RBFOX1: variants seen among roughly 807,000 people sequenced by gnomAD.
The protein encoded by RBFOX1 is RNA binding protein fox-1 homolog 1.
A neutral mutation model predicts 57.7 loss-of-function variants in RBFOX1; 8 were observed. That is an observed-to-expected ratio of 0.14 (90% CI 0.08 to 0.25). The LOEUF (loss-of-function observed/expected upper bound fraction) is 0.25, where lower values mean the gene tolerates loss of function less well. Ranked by LOEUF, RBFOX1 falls within the 10% of genes least tolerant of loss-of-function variation. The pLI, the probability that RBFOX1 is intolerant of heterozygous loss-of-function variation, is 1.00. For synonymous variants in RBFOX1, 326 were observed against 222.4 expected, an observed-to-expected ratio of 1.47 and a Z score of -4.15; for missense variants, 611 against 548.5, an observed-to-expected ratio of 1.11 and a Z score of -1.14.
intron 3 of RBFOX1, among the ~76,000 whole-genome samples, chr16:5,669,620 A>G (rs1024302567): frequency 2.6e-5 from 4 of 152,058 alleles, no homozygotes; most frequent in Non-Finnish European, 5.9e-5. Context: ...GGGTTTCACC[A>G]TGTTGGCCAG....
At chr16:6,147,535 G>T (rs1365593904) in intron 1 of RBFOX1, among the ~76,000 whole-genome samples, 1 of 152,068 alleles carries the variant, frequency 6.6e-6, no homozygotes, top group Non-Finnish European at 1.5e-5. Flanking sequence ...TGAATTTAAA[G>T]GTCCCCAATA....
chr16:5,998,630 C>G (rs1207197232), intron 4 of RBFOX1, among the ~76,000 whole-genome samples: 1 of 152,190 alleles, frequency 6.6e-6, no homozygotes, highest in African/African-American at 2.4e-5. Context: ...AGAGCCACCT[C>G]CCTCACCCTT....
chr16:5,274,121 A>G (rs748371753), intron 1 of RBFOX1, among the ~76,000 whole-genome samples: 3 of 152,186 alleles, frequency 2.0e-5, no homozygotes, highest in Non-Finnish European at 2.9e-5. Flanking sequence ...ATGCAGACAG[A>G]AGCTCCATAT....
intron 3 of RBFOX1, among the ~76,000 whole-genome samples, chr16:6,949,400 C>G (rs957666189): frequency 3.3e-5 from 5 of 152,158 alleles, no homozygotes; most frequent in Non-Finnish European, 7.3e-5. Flanking sequence ...GGTGTATTAG[C>G]TGGCTAGGGG....
chr16:7,491,084 C>G (rs543782708), intron 4 of RBFOX1, among the ~76,000 whole-genome samples: 1 of 152,122 alleles, frequency 6.6e-6, no homozygotes, highest in Non-Finnish European at 1.5e-5. Context: ...CTTACCGTAC[C>G]TGCACCCACA....
chr16:6,380,781 G>A (rs942014071), intron 2 of RBFOX1, among the ~76,000 whole-genome samples: 1 of 152,084 alleles, frequency 6.6e-6, no homozygotes, highest in African/African-American at 2.4e-5. Context: ...GATAAATATT[G>A]CCAAATTGTC....
chr16:6,484,360 G>C (rs1057148340), intron 2 of RBFOX1, among the ~76,000 whole-genome samples: 11 of 152,132 alleles, frequency 7.2e-5, no homozygotes, highest in Non-Finnish European at 1.5e-4. Context: ...CGTTGCGCTG[G>C]TGTACTCTTC....
At chr16:7,205,240 G>C (rs2089677482) in intron 4 of RBFOX1, among the ~76,000 whole-genome samples, 1 of 152,028 alleles carries the variant, frequency 6.6e-6, no homozygotes, top group Admixed American at 6.6e-5. Context: ...GAAATGGGCG[G>C]GGCGTGGCGG....
Position 7,429,548 on chromosome 16 carries a change from G to A in RBFOX1, c.28-88599G>A, listed in dbSNP as rs147886499. Among the ~76,000 whole-genome samples, 221 of 152,272 alleles carry A rather than the reference G, an allele frequency of 1.5e-3. 4 individuals carry two copies. The highest frequency in any genetic ancestry group is 0.013 in the Admixed American group (203 of 15,284). ...ACAGTAAGCTTCAAGAGAACAGGAA[G>A]CCACCTATTTTGTCCTCTCATACAC... is the stretch of plus-strand genomic sequence containing the variant. On this transcript the variant is annotated intron_variant, in intron 4 of 15. Transcript: ENST00000550418.
chr16:7,147,763 A>G (rs1163660405), intron 4 of RBFOX1, among the ~76,000 whole-genome samples: 1 of 152,156 alleles, frequency 6.6e-6, no homozygotes, highest in Non-Finnish European at 1.5e-5. Context: ...TATGGTGAAT[A>G]GAGCTGCAGT....
rs1341647867 is a variant in RBFOX1, at chr16:6,812,232, C to T, written c.-16+157582C>T. On this transcript the variant is annotated intron_variant, in intron 3 of 15. Transcript: ENST00000550418. ...ATATCTGTGAATATTAAGCTCCTCA[C>T]ATTTCCTGTTTTGTTAAGAAATTTG... Among the ~76,000 whole-genome samples, 3 of 152,194 alleles carry T rather than the reference C, an allele frequency of 2.0e-5. No homozygotes were observed. The East Asian group carries it at 5.8e-4, about 29-fold the overall frequency.
At chr16:6,498,508 C>T (rs1219076475) in intron 2 of RBFOX1, among the ~76,000 whole-genome samples, 1 of 152,140 alleles carries the variant, frequency 6.6e-6, no homozygotes. Flanking sequence ...GTTCAGCAAT[C>T]AGGCCCTTTT....
intron 2 of RBFOX1, among the ~76,000 whole-genome samples, chr16:5,596,465 C>T (rs1221985647): frequency 1.3e-5 from 2 of 152,184 alleles, no homozygotes; most frequent in African/African-American, 4.8e-5. Flanking sequence ...GTTTCTGTTA[C>T]TGAGAAAGAC....
chr16:5,431,915 G>A (rs2067749631), intron 1 of RBFOX1, among the ~76,000 whole-genome samples: 1 of 152,100 alleles, frequency 6.6e-6, no homozygotes, highest in Non-Finnish European at 1.5e-5. Flanking sequence ...CACAGTTCCA[G>A]TAGGATTCGA....
chr16:5,950,682 C>T (rs2059501800), intron 4 of RBFOX1, among the ~76,000 whole-genome samples: 1 of 152,244 alleles, frequency 6.6e-6, no homozygotes, highest in Non-Finnish European at 1.5e-5. Context: ...CTTCTTCCAT[C>T]TATGTCTCTT....
At chr16:6,508,614 C>T (rs982182644) in intron 2 of RBFOX1, among the ~76,000 whole-genome samples, 2 of 152,106 alleles carry the variant, frequency 1.3e-5, no homozygotes, top group Non-Finnish European at 2.9e-5. Context: ...TTTCCTATTG[C>T]TGTTTCTTCT....
chr16:7,030,411 CCA>C (rs1283629972), intron 3 of RBFOX1, among the ~76,000 whole-genome samples: 1 of 152,160 alleles, frequency 6.6e-6, no homozygotes, highest in African/African-American at 2.4e-5. Context: ...GTTCTGGAGG[CCA>C]CAAGTCTGAA....
At chr16:5,873,850 C>G (rs994956517) in intron 4 of RBFOX1, among the ~76,000 whole-genome samples, 3 of 152,002 alleles carry the variant, frequency 2.0e-5, no homozygotes, top group African/African-American at 7.3e-5. Context: ...AGTATGCAGA[C>G]TGGAGCTTTG....
chr16:6,651,830 T>A (rs921304850), intron 2 of RBFOX1, among the ~76,000 whole-genome samples: 3 of 152,194 alleles, frequency 2.0e-5, no homozygotes, highest in Admixed American at 2.0e-4. Flanking sequence ...CAGATGGCGC[T>A]TATGAATGGA....
Sources: allele counts gnomAD v4.1 joint callset (sites outside exome capture counted in the v4.1 genomes callset), GRCh38; gene constraint gnomAD v4.1.1; transcripts MANE v1.5; gene names NCBI Gene and HGNC (gene_info 2026-07-23, HGNC 2026-07-21).